The following DCAF5 variants were observed in gnomAD, a reference collection of about 807,000 sequenced individuals.
The protein encoded by DCAF5 is DDB1 and CUL4 associated factor 5.
Under a neutral mutation model 80.7 loss-of-function variants are expected in DCAF5, and 9 were observed. The ratio of observed to expected loss-of-function variants is 0.11; its 90% confidence interval spans 0.07 to 0.19. DCAF5 has a LOEUF of 0.19. Among genes scored for constraint, DCAF5 ranks in the 10% least tolerant of loss-of-function variants. The probability of loss-of-function intolerance (pLI) is 1.00; values close to 1 mark genes in which losing one functional copy is unlikely to be tolerated. For synonymous variants in DCAF5, 433 were observed against 461.9 expected, an observed-to-expected ratio of 0.94 and a Z score of 0.80; for missense variants, 842 against 1,205.7, an observed-to-expected ratio of 0.70 and a Z score of 4.47.
In DCAF5 at chr14:69,098,911, A is replaced by AG. The variant is rs1473253141; in HGVS notation, c.666-7025_666-7024insC. ...CTGTCTCCAAAAAAAAAAAAAAAAA[A>AG]AAAAGAAAAGAAAAAAAAGAAAAAC... On this transcript the variant is annotated intron_variant, in intron 5 of 8. Coordinates refer to ENST00000341516, the MANE Select transcript of DCAF5 (RefSeq NM_003861.3). 1.6e-4 allele frequency among the ~76,000 whole-genome samples: 19 copies of AG among 119,074 alleles called. No individual in the cohort carries two copies. In the East Asian group the frequency reaches 3.1e-3, roughly 19 times the overall value. 78.1% of individuals were successfully genotyped at this position (119,074 alleles called of 152,430 possible). A position where few individuals can be genotyped will look rare whatever the true frequency, so the allele number is the denominator to read the frequency against.
At chr14:69,105,579 T>C (rs1399190503) in intron 5 of DCAF5, among the ~76,000 whole-genome samples, 1 of 152,082 alleles carries the variant, frequency 6.6e-6, no homozygotes, top group Non-Finnish European at 1.5e-5. Flanking sequence ...ATTGTTCCAG[T>C]GTAACTAGAA....
At chr14:69,102,329 G>C (rs1054294999) in intron 5 of DCAF5, among the ~76,000 whole-genome samples, 2 of 151,586 alleles carry the variant, frequency 1.3e-5, no homozygotes, top group Non-Finnish European at 2.9e-5. Flanking sequence ...GGCTGGTCTC[G>C]AACTCCCGAC....
intron 6 of DCAF5, 25 bp from the exon 7 acceptor site, chr14:69,075,436 T>C (rs753450018): frequency 5.1e-6 from 7 of 1,363,940 alleles, no homozygotes; most frequent in Non-Finnish European, 7.1e-6. Flanking sequence ...AATATATAGA[T>C]AACATTATAT....
intron 1 of DCAF5, among the ~76,000 whole-genome samples, chr14:69,143,301 A>C (rs2041428861): frequency 6.6e-6 from 1 of 152,238 alleles, no homozygotes; most frequent in African/African-American, 2.4e-5. Context: ...ATTTCAAAGC[A>C]GTTAGCATGT....
chr14:69,083,998 A>G (rs1466212716), intron 6 of DCAF5: 1 of 782,076 alleles, frequency 1.3e-6, no homozygotes, highest in Admixed American at 1.7e-5. Flanking sequence ...GAAATTCAGC[A>G]TAAAAGTATC....
Position 69,109,573 on chromosome 14 carries a change from T to C in DCAF5, c.665+6793A>G, listed in dbSNP as rs570254442. On this transcript the variant is annotated intron_variant, in intron 5 of 8. Coordinates refer to ENST00000341516, the MANE Select transcript of DCAF5 (RefSeq NM_003861.3). ...CATCATGCAAATGGAATCACAGAGA[T>C]TCTTTTGTATTTGAATTCTTTTATT... Among the ~76,000 whole-genome samples the C allele has an allele frequency of 1.9e-4, 29 of 152,276 alleles. 1 individual carries two copies. The South Asian group carries it at 3.7e-3, about 20-fold the overall frequency.
chr14:69,085,667 C>A (rs1351957977), intron 6 of DCAF5, among the ~76,000 whole-genome samples: 1 of 152,160 alleles, frequency 6.6e-6, no homozygotes, highest in East Asian at 1.9e-4. Flanking sequence ...ATATCCCTCC[C>A]TCATACATAC....
chr14:69,076,651 G>C (rs1359801118), intron 6 of DCAF5, among the ~76,000 whole-genome samples: 1 of 152,232 alleles, frequency 6.6e-6, no homozygotes, highest in African/African-American at 2.4e-5. Flanking sequence ...GTTAGCGTTT[G>C]TTGGGGAGTT....
chr14:69,091,217 C>A, intron 6 of DCAF5: 1 of 699,230 alleles, frequency 1.4e-6, no homozygotes, highest in South Asian at 1.5e-5. Context: ...CTGCTTACCC[C>A]ATTTCATCCA....
intron 5 of DCAF5, among the ~76,000 whole-genome samples, chr14:69,102,914 T>C (rs1397550583): frequency 3.9e-5 from 6 of 152,202 alleles, no homozygotes; most frequent in African/African-American, 9.7e-5. Context: ...CATCATCTTA[T>C]GTACTACACT....
intron 5 of DCAF5, among the ~76,000 whole-genome samples, chr14:69,106,345 C>G (rs1452424458): frequency 6.6e-6 from 1 of 151,250 alleles, no homozygotes; most frequent in Non-Finnish European, 1.5e-5. Context: ...CATGAGCCAC[C>G]GTGCCCACCT....
intron 6 of DCAF5, among the ~76,000 whole-genome samples, chr14:69,091,315 G>T (rs1273306811): frequency 6.6e-6 from 1 of 151,972 alleles, no homozygotes; most frequent in African/African-American, 2.4e-5. Flanking sequence ...GTGTTTTATT[G>T]GTTTCTTTTT....
intron 1 of DCAF5, among the ~76,000 whole-genome samples, chr14:69,130,351 T>C (rs2041003696): frequency 6.6e-6 from 1 of 152,160 alleles, no homozygotes; most frequent in African/African-American, 2.4e-5. Context: ...AGGACAAATA[T>C]TGTATGATTC....
At chr14:69,087,804 A>G (rs923259217) in intron 6 of DCAF5, among the ~76,000 whole-genome samples, 2 of 152,172 alleles carry the variant, frequency 1.3e-5, no homozygotes, top group Non-Finnish European at 1.5e-5. Context: ...TGAAGTTAGG[A>G]AGCCTTCAGC....
At chr14:69,139,359 A>C (rs535905546) in intron 1 of DCAF5, among the ~76,000 whole-genome samples, 1 of 151,980 alleles carries the variant, frequency 6.6e-6, no homozygotes, top group South Asian at 2.1e-4. Context: ...TGATGCACAC[A>C]TAGGTGTACA....
chr14:69,141,139 TAA>T (rs11396838), intron 1 of DCAF5, among the ~76,000 whole-genome samples: 4 of 59,426 alleles, frequency 6.7e-5, no homozygotes, highest in East Asian at 5.3e-4. Flanking sequence ...ATCTCAAATT[TAA>T]AAAAAAAAAA....
intron 6 of DCAF5, among the ~76,000 whole-genome samples, chr14:69,077,517 G>A (rs1418985000): frequency 1.3e-5 from 2 of 152,008 alleles, no homozygotes; most frequent in Non-Finnish European, 2.9e-5. Flanking sequence ...CCAAGTAGCT[G>A]GGACTACAGG....
intron 1 of DCAF5, among the ~76,000 whole-genome samples, chr14:69,131,672 C>G (rs1184568348): frequency 6.6e-6 from 1 of 151,690 alleles, no homozygotes; most frequent in Non-Finnish European, 1.5e-5. Context: ...ATCCATTCTA[C>G]CAACATGCAG....
intron 5 of DCAF5, among the ~76,000 whole-genome samples, chr14:69,093,114 T>C (rs2039588785): frequency 6.6e-6 from 1 of 152,234 alleles, no homozygotes; most frequent in Admixed American, 6.5e-5. Flanking sequence ...AGTGTGATCT[T>C]TCAGGCAGTA....
Sources: gnomAD v4.1 joint callset for allele counts (sites outside exome capture counted in the v4.1 genomes callset) on GRCh38, gnomAD v4.1.1 for gene constraint, MANE v1.5 for transcripts, NCBI Gene and HGNC (gene_info 2026-07-23, HGNC 2026-07-21) for gene names.